Variants in ACSS2 observed in about 807,000 individuals in gnomAD.
ACSS2 encodes acyl-CoA synthetase short chain family member 2.
A neutral mutation model predicts 90.6 loss-of-function variants in ACSS2; 58 were observed. That is an observed-to-expected ratio of 0.64 (90% confidence interval 0.52 to 0.80). The LOEUF is 0.80. Ranked by LOEUF, ACSS2 falls within the 30% of genes least tolerant of loss-of-function variation. The probability of loss-of-function intolerance (pLI) is 0.00; values close to 1 mark genes in which losing one functional copy is unlikely to be tolerated. For synonymous variants in ACSS2, 300 were observed against 330.9 expected (o/e 0.91, Z 1.01); for missense variants, 759 against 912.0 (o/e 0.83, Z 2.16).
intron 1 of ACSS2, among the ~76,000 whole-genome samples, chr20:34,879,061 C>T (rs902919138): frequency 3.3e-5 from 5 of 151,262 alleles, no homozygotes; most frequent in African/African-American, 1.2e-4. Context: ...CCCGCTACCA[C>T]GCCCGGCTAA....
At chr20:34,905,985 C>T (rs1193540223) in intron 2 of ACSS2, among the ~76,000 whole-genome samples, 1 of 152,184 alleles carries the variant, frequency 6.6e-6, no homozygotes. Context: ...CCAAGCATAG[C>T]TAATAGCCTC....
At chr20:34,919,680 T>G (rs1026391752) in intron 8 of ACSS2, 108 bp downstream of exon 8, 1 of 1,435,948 alleles carries the variant, frequency 7.0e-7, no homozygotes. Context: ...ATTTTTTTCC[T>G]ACAACCCTGA....
At chr20:34,919,389 T>C in intron 7 of ACSS2, 46 bp from the exon 8 acceptor site, 1 of 1,610,252 alleles carries the variant, frequency 6.2e-7, no homozygotes, top group Non-Finnish European at 8.5e-7. Flanking sequence ...GTGTATCTTG[T>C]CCCCATCTTG....
intron 7 of ACSS2, among the ~76,000 whole-genome samples, chr20:34,915,881 A>G (rs1452303021): frequency 6.6e-6 from 1 of 151,946 alleles, no homozygotes; most frequent in Non-Finnish European, 1.5e-5. Flanking sequence ...CCTGAAGTCC[A>G]GAGACCAATT....
intron 2 of ACSS2, among the ~76,000 whole-genome samples, chr20:34,911,426 G>A (rs1330321433): frequency 4.6e-5 from 7 of 151,914 alleles, no homozygotes; most frequent in Non-Finnish European, 8.8e-5. Flanking sequence ...GACCTCACGT[G>A]ATCCACCTGC....
At chr20:34,918,319 G>A (rs1568995228) in intron 7 of ACSS2, among the ~76,000 whole-genome samples, 1 of 152,206 alleles carries the variant, frequency 6.6e-6, no homozygotes, top group Non-Finnish European at 1.5e-5. Flanking sequence ...TGGCAGAACT[G>A]GTATTGAAGT....
intron 5 of ACSS2, 36 bp downstream of exon 5, chr20:34,913,861 C>T (rs941625405): frequency 6.3e-7 from 1 of 1,596,540 alleles, no homozygotes; most frequent in African/African-American, 1.3e-5. Context: ...CAGAACCCCC[C>T]ATACCTCAAG....
In ACSS2 at chr20:34,920,543, T is replaced by C. The variant is rs1284486404; in HGVS notation, c.977T>C (p.Val326Ala). ...TGTTCCCCATTCTTCCCACAGGGTGTGGTTCACACAGTTGGGGGCTACATG... is the reference window on the plus strand; with the variant it reads ...TGTTCCCCATTCTTCCCACAGGGTGCGGTTCACACAGTTGGGGGCTACATG... ...TSGSTGKPKG[V>A]VHTVGGYMLY... is the part of the protein sequence containing the mutation. Residue 326 changes from valine to alanine, a missense_variant, in exon 9 of 18, where the codon GTG becomes GCG. By Grantham distance (64) the Val-to-Ala change is moderately conservative (BLOSUM62 0). Transcript: ENST00000360596. The C allele has an allele frequency of 1.2e-6, 2 of 1,613,544 alleles. No homozygotes were observed. Among genetic ancestry groups the C allele is most frequent in the African/African-American group, 2.7e-5 (2 of 74,934 alleles).
chr20:34,876,933 G>A, intron 1 of ACSS2, 110 bp downstream of exon 1: 1 of 670,440 alleles, frequency 1.5e-6, no homozygotes. Context: ...AGGAGATGGA[G>A]GTTCTGTGAA....
intron 7 of ACSS2, among the ~76,000 whole-genome samples, chr20:34,917,735 T>C (rs540108768): frequency 8.6e-5 from 13 of 150,770 alleles, no homozygotes; most frequent in African/African-American, 3.2e-4. Context: ...TTTTTGTGGG[T>C]TTTTTTTGTT....
At position 34,919,575 on chromosome 20, in the gene ACSS2, AAG is replaced by A; in HGVS notation, c.972+4_972+5del. The A allele has an allele frequency of 6.5e-7, 1 of 1,549,664 alleles. No individual in the cohort carries two copies. The highest frequency in any genetic ancestry group is 8.7e-7 in the Non-Finnish European group (1 of 1,152,008). On this transcript the variant is annotated splice_donor_5th_base_variant and intron_variant, in intron 8 of 17. Coordinates refer to ENST00000360596, the MANE Select transcript of ACSS2 (RefSeq NM_018677.4). ...GTGGCTCCACAGGCAAACCCAAGGC[AAG>A]TGTGTGTGTGTGTGTGTGTGTGTGT...
At chr20:34,877,856 A>G (rs1240067095) in intron 1 of ACSS2, among the ~76,000 whole-genome samples, 2 of 147,280 alleles carry the variant, frequency 1.4e-5, no homozygotes, top group Non-Finnish European at 3.0e-5. Context: ...AAAAGGTATA[A>G]GGAAAATCCC....
At chr20:34,915,460 G>A (rs2081058854) in intron 7 of ACSS2, among the ~76,000 whole-genome samples, 1 of 152,184 alleles carries the variant, frequency 6.6e-6, no homozygotes, top group Admixed American at 6.5e-5. Context: ...ATAGAGTATG[G>A]ATCTTAGAGA....
At chr20:34,883,108 C>T (rs1171819760) in intron 2 of ACSS2, 119 bp downstream of exon 2, 1 of 694,282 alleles carries the variant, frequency 1.4e-6, no homozygotes, top group Non-Finnish European at 2.4e-6. Flanking sequence ...AAAAATACCT[C>T]AAGGAAGCTA....
chr20:34,921,644 G>T (rs1436732014), intron 12 of ACSS2, 44 bp downstream of exon 12: 1 of 1,614,000 alleles, frequency 6.2e-7, no homozygotes. Context: ...GGCAGGGATG[G>T]TGTCTTGGGG....
chr20:34,894,891 G>A (rs1225932598), intron 2 of ACSS2, among the ~76,000 whole-genome samples: 1 of 152,120 alleles, frequency 6.6e-6, no homozygotes, highest in African/African-American at 2.4e-5. Flanking sequence ...CAGAGCCAGG[G>A]TTTCCCAATT....
At chr20:34,882,672 C>G (rs1283027415) in intron 1 of ACSS2, 122 bp from the exon 2 acceptor site, 1 of 829,066 alleles carries the variant, frequency 1.2e-6, no homozygotes, top group African/African-American at 1.8e-5. Flanking sequence ...AAGAAGGGAC[C>G]CAGGTGGTGG....
intron 15 of ACSS2, 134 bp from the exon 16 acceptor site, chr20:34,925,971 A>G: frequency 9.5e-7 from 1 of 1,052,800 alleles, no homozygotes; most frequent in Non-Finnish European, 1.4e-6. Context: ...GGTGACTGAA[A>G]GCATGTCATC....
chr20:34,908,982 G>T, intron 2 of ACSS2: 1 of 426,202 alleles, frequency 2.3e-6, no homozygotes, highest in Non-Finnish European at 4.6e-6. Flanking sequence ...ATTCATTGAA[G>T]CATTTATTTG....
Sources: allele counts gnomAD v4.1 joint callset (sites outside exome capture counted in the v4.1 genomes callset), GRCh38; gene constraint gnomAD v4.1.1; transcripts MANE v1.5; gene names NCBI Gene and HGNC (gene_info 2026-07-23, HGNC 2026-07-21).